The following ZNF423 variants were observed in gnomAD, a reference collection of about 807,000 sequenced individuals.
ZNF423 encodes the protein Ebf-associated zinc finger protein.
In ZNF423, 12 loss-of-function variants were observed where a neutral mutation model predicts 95.8. The observed-to-expected ratio is 0.13, with a 90% CI of 0.08 to 0.20. ZNF423 has a LOEUF of 0.20. Ranked by LOEUF, ZNF423 falls within the 10% of genes least tolerant of loss-of-function variation. The pLI is 1.00. For missense variants in ZNF423, 1,316 were observed against 1,737.1 expected (o/e 0.76, Z 4.31); for synonymous variants, 749 against 711.9 (o/e 1.05, Z -0.83).
intron 1 of ZNF423, among the ~76,000 whole-genome samples, chr16:49,794,230 G>GT (rs1448546355): frequency 8.7e-6 from 1 of 114,802 alleles, no homozygotes; most frequent in African/African-American, 3.2e-5. Context: ...GTTTGTTTTT[G>GT]TTTTTGTTTT....
intron 3 of ZNF423, among the ~76,000 whole-genome samples, chr16:49,727,498 C>T (rs1181236912): frequency 1.3e-5 from 2 of 151,688 alleles, no homozygotes; most frequent in African/African-American, 4.9e-5. Context: ...CTCAACACCA[C>T]CCCAACTGCC....
At chr16:49,665,907 A>G (rs1371256260) in intron 3 of ZNF423, among the ~76,000 whole-genome samples, 1 of 152,252 alleles carries the variant, frequency 6.6e-6, no homozygotes, top group Non-Finnish European at 1.5e-5. Flanking sequence ...GGGCATGGAA[A>G]GGTCTCTGCA....
intron 1 of ZNF423, chr16:49,854,368 G>GTCTCAAC: frequency 1.0e-6 from 1 of 985,464 alleles, no homozygotes; most frequent in Non-Finnish European, 1.2e-6. Flanking sequence ...CAGAACTGAC[G>GTCTCAAC]AGTGTCTCAA....
At chr16:49,793,038 G>C (rs1204141579) in intron 1 of ZNF423, among the ~76,000 whole-genome samples, 1 of 152,140 alleles carries the variant, frequency 6.6e-6, no homozygotes, top group African/African-American at 2.4e-5. Flanking sequence ...AAAGCACTGG[G>C]GTTACAGGCA....
At chr16:49,523,578 A>C (rs762304767) in intron 7 of ZNF423, 46 bp downstream of exon 7, 2 of 1,534,110 alleles carry the variant, frequency 1.3e-6, no homozygotes, top group East Asian at 4.5e-5. Context: ...TGACGGGGGA[A>C]CCGAGGACCA....
chr16:49,782,418 TG>T (rs1306976295), intron 2 of ZNF423, among the ~76,000 whole-genome samples: 1 of 152,186 alleles, frequency 6.6e-6, no homozygotes, highest in Non-Finnish European at 1.5e-5. Context: ...ACCTCGTAAA[TG>T]GGAGTGACGG....
At chr16:49,630,385 C>T (rs75122661) in intron 4 of ZNF423, among the ~76,000 whole-genome samples, 235 of 152,122 alleles carry the variant, frequency 1.5e-3, no homozygotes, top group Non-Finnish European at 2.5e-3. Context: ...AGTGCAAGAG[C>T]CTTTGGTGGT....
intron 5 of ZNF423, among the ~76,000 whole-genome samples, chr16:49,600,032 G>T (rs1971311594): frequency 6.6e-6 from 1 of 151,962 alleles, no homozygotes; most frequent in South Asian, 2.1e-4. Flanking sequence ...AATTAAAAGG[G>T]GCAAGAGGCC....
intron 5 of ZNF423, among the ~76,000 whole-genome samples, chr16:49,589,862 A>G (rs1970952924): frequency 6.6e-6 from 1 of 151,848 alleles, no homozygotes; most frequent in African/African-American, 2.4e-5. Flanking sequence ...CGCCATAACG[A>G]GAGCTGAACA....
At chr16:49,757,213 G>T (rs760466392) in intron 2 of ZNF423, among the ~76,000 whole-genome samples, 14 of 152,194 alleles carry the variant, frequency 9.2e-5, no homozygotes, top group Non-Finnish European at 1.8e-4. Context: ...ATGAGGCCAA[G>T]AATTTCCATT....
intron 7 of ZNF423, among the ~76,000 whole-genome samples, chr16:49,510,152 G>A (rs1967825457): frequency 6.6e-6 from 1 of 152,228 alleles, no homozygotes; most frequent in Non-Finnish European, 1.5e-5. Context: ...TTCCACCTCA[G>A]ATGTTGCCTC....
chr16:49,528,110 A>G (rs1339365227), intron 5 of ZNF423, among the ~76,000 whole-genome samples: 1 of 152,166 alleles, frequency 6.6e-6, no homozygotes, highest in Non-Finnish European at 1.5e-5. Context: ...GAGACGGCAA[A>G]CAGGATTTAC....
At chr16:49,587,726 A>G (rs543710906) in intron 5 of ZNF423, among the ~76,000 whole-genome samples, 1 of 152,208 alleles carries the variant, frequency 6.6e-6, no homozygotes, top group Non-Finnish European at 1.5e-5. Context: ...AACTTCTACA[A>G]TCAGGAGTCA....
intron 3 of ZNF423, among the ~76,000 whole-genome samples, chr16:49,665,671 C>T (rs1408387684): frequency 6.6e-6 from 1 of 152,088 alleles, no homozygotes; most frequent in African/African-American, 2.4e-5. Flanking sequence ...CTGGTAGCAC[C>T]GCCCCCCACC....
intron 5 of ZNF423, among the ~76,000 whole-genome samples, chr16:49,612,165 C>T (rs990900970): frequency 2.6e-5 from 4 of 151,930 alleles, no homozygotes; most frequent in East Asian, 1.9e-4. Flanking sequence ...TATTAAAACC[C>T]GGTCAAAGAC....
At chr16:49,747,299 C>A (rs2033545180) in intron 2 of ZNF423, among the ~76,000 whole-genome samples, 1 of 146,904 alleles carries the variant, frequency 6.8e-6, no homozygotes, top group Admixed American at 6.9e-5. Context: ...ACGGATTAAT[C>A]TTCCAAACAT....
At chr16:49,516,395 A>G (rs965708210) in intron 7 of ZNF423, among the ~76,000 whole-genome samples, 3 of 152,244 alleles carry the variant, frequency 2.0e-5, no homozygotes, top group Non-Finnish European at 4.4e-5. Flanking sequence ...CAATGTCAAT[A>G]ATAATCACAG....
chr16:49,853,583 C>T (rs376501320), intron 1 of ZNF423: 1 of 960,966 alleles, frequency 1.0e-6, no homozygotes, highest in East Asian at 1.2e-4. Flanking sequence ...AATGCCTCCA[C>T]TGGTCTCCTG....
At chr16:49,713,812 G>C (rs1284229625) in intron 3 of ZNF423, among the ~76,000 whole-genome samples, 1 of 152,218 alleles carries the variant, frequency 6.6e-6, no homozygotes, top group Non-Finnish European at 1.5e-5. Context: ...TGAGACTGGA[G>C]AGACAGAAAG....
Sources: allele counts gnomAD v4.1 joint callset (sites outside exome capture counted in the v4.1 genomes callset), GRCh38; gene constraint gnomAD v4.1.1; transcripts MANE v1.5; gene names NCBI Gene and HGNC (gene_info 2026-07-23, HGNC 2026-07-21).